The following LMO7 variants were observed in gnomAD, a reference collection of about 807,000 sequenced individuals.
The protein encoded by LMO7 is LIM domain 7.
In LMO7, 120 loss-of-function variants were observed where a neutral mutation model predicts 206.5. The ratio of observed to expected loss-of-function variants is 0.58; its 90% CI spans 0.50 to 0.68. The LOEUF (loss-of-function observed/expected upper bound fraction) is 0.68. Ranked by LOEUF, LMO7 falls within the 30% of genes least tolerant of loss-of-function variation. LMO7 has a pLI of 0.00. For synonymous variants in LMO7, 706 were observed against 681.5 expected (o/e 1.04, Z -0.56); for missense variants, 1,959 against 1,957.9 (o/e 1.00, Z -0.01).
intron 1 of LMO7, among the ~76,000 whole-genome samples, chr13:75,678,868 A>G (rs1566301813): frequency 6.6e-6 from 1 of 152,270 alleles, no homozygotes; most frequent in East Asian, 1.9e-4. Context: ...TTGTCTTTCC[A>G]GCTAGGTGAA....
At chr13:75,854,386 A>T (rs938620796) in intron 28 of LMO7, among the ~76,000 whole-genome samples, 2 of 152,158 alleles carry the variant, frequency 1.3e-5, no homozygotes, top group Non-Finnish European at 2.9e-5. Flanking sequence ...ATTTAGGGTA[A>T]ATTTGGGTAC....
chr13:75,808,209 T>G lies in LMO7; in HGVS notation c.1916+10T>G, dbSNP rs1287643772. 2 of 1,590,698 alleles carry G rather than the reference T, an allele frequency of 1.3e-6. No individual in the cohort carries two copies. Among genetic ancestry groups the G allele is most frequent in the Non-Finnish European group, 1.7e-6 (2 of 1,168,032 alleles). The stretch of plus-strand genomic sequence containing the variant: ...GGCTGATGGTGGAGAGGTCAGAGTG[T>G]GTTTCTGCAAGGATTTTGCTTGTAA... On this transcript the variant is annotated intron_variant, in intron 10 of 30. Transcript: ENST00000377534.
chr13:75,666,818 C>G (rs149200924), intron 1 of LMO7, among the ~76,000 whole-genome samples: 1 of 152,230 alleles, frequency 6.6e-6, no homozygotes, highest in African/African-American at 2.4e-5. Context: ...TCTTAGAGAG[C>G]CCAGGTCATC....
At chr13:75,626,576 AT>A (rs1388559384) in intron 2 of LMO7, among the ~76,000 whole-genome samples, 5,177 of 62,816 alleles carry the variant, frequency 0.082, 590 homozygotes, top group East Asian at 0.19. Context: ...TAACATATAT[AT>A]TATATATATA....
chr13:75,748,494 G>C (rs1372707764), intron 3 of LMO7, among the ~76,000 whole-genome samples: 3 of 152,180 alleles, frequency 2.0e-5, no homozygotes, highest in African/African-American at 7.2e-5. Flanking sequence ...TTAGCATAAA[G>C]TGGTTCAGTA....
intron 6 of LMO7, among the ~76,000 whole-genome samples, chr13:75,797,292 C>A (rs892923293): frequency 3.3e-5 from 5 of 152,202 alleles, no homozygotes; most frequent in Non-Finnish European, 7.3e-5. Context: ...AATTTAGAAT[C>A]TTTTGTTTTA....
intron 4 of LMO7, among the ~76,000 whole-genome samples, chr13:75,762,295 T>G (rs1032861496): frequency 1.3e-5 from 2 of 152,204 alleles, no homozygotes; most frequent in Non-Finnish European, 2.9e-5. Flanking sequence ...TTCTGTAGTA[T>G]GTAGGGGTCA....
intron 1 of LMO7, among the ~76,000 whole-genome samples, chr13:75,706,322 G>A (rs2042647898): frequency 1.3e-5 from 2 of 152,032 alleles, no homozygotes; most frequent in African/African-American, 4.8e-5. Flanking sequence ...ATAAAATTGT[G>A]CTTTCTTTTT....
intron 1 of LMO7, among the ~76,000 whole-genome samples, chr13:75,707,066 A>G (rs1594405141): frequency 1.3e-5 from 2 of 151,972 alleles, no homozygotes; most frequent in East Asian, 3.9e-4. Flanking sequence ...TTGTTCCTTT[A>G]GGTATGGGAG....
intron 1 of LMO7, among the ~76,000 whole-genome samples, chr13:75,690,713 T>C (rs1031739822): frequency 8.5e-5 from 13 of 152,222 alleles, no homozygotes; most frequent in Admixed American, 6.5e-4. Context: ...AAACAAGTGA[T>C]AGGCCAAGTT....
intron 1 of LMO7, among the ~76,000 whole-genome samples, chr13:75,660,371 A>G (rs1346688659): frequency 2.0e-5 from 3 of 152,210 alleles, no homozygotes; most frequent in Non-Finnish European, 2.9e-5. Flanking sequence ...ATCCAGGGGT[A>G]TATTTATCTA....
At position 75,748,814 on chromosome 13, in the gene LMO7, T is replaced by G. The variant is rs554084379; in HGVS notation, c.211-12118T>G. On this transcript the variant is annotated intron_variant, in intron 3 of 30. Coordinates refer to ENST00000377534, the MANE Select transcript of LMO7 (RefSeq NM_001306080.2). ...TGTCTTTTTTCTTTCTTTCTTTCTT[T>G]CTTTTTTTTTTTTTGAGACAGGGTC... Among the ~76,000 whole-genome samples, 10 of 131,646 alleles carry G rather than the reference T, an allele frequency of 7.6e-5. No homozygotes were observed. The South Asian group carries it at 2.3e-3, about 30-fold the overall frequency. 86.4% of individuals were successfully genotyped at this position (131,646 alleles called of 152,430 possible).
At chr13:75,665,396 T>C (rs926945536) in intron 1 of LMO7, among the ~76,000 whole-genome samples, 1 of 152,120 alleles carries the variant, frequency 6.6e-6, no homozygotes, top group African/African-American at 2.4e-5. Context: ...AATTTAGATA[T>C]TTTTAAAAAT....
chr13:75,743,843 A>G lies in LMO7; in HGVS notation c.210+16745A>G, dbSNP rs992219209. Among the ~76,000 whole-genome samples the G allele has an allele frequency of 4.6e-5, 7 of 152,166 alleles. 1 individual carries two copies. Among genetic ancestry groups the G allele is most frequent in the Admixed American group, 3.3e-4 (5 of 15,278 alleles). ...ACATACCTGCATGTGCACAGGTTAAAAAAAGAACAAAAACCCCACGAAAAC... is the reference window on the plus strand; with the variant it reads ...ACATACCTGCATGTGCACAGGTTAAGAAAAGAACAAAAACCCCACGAAAAC... On this transcript the variant is annotated intron_variant, in intron 3 of 30. Transcript: ENST00000377534.
chr13:75,849,045 T>C (rs565829033), intron 26 of LMO7, 34 bp from the exon 27 acceptor site: 5 of 1,312,894 alleles, frequency 3.8e-6, no homozygotes, highest in Non-Finnish European at 4.3e-6. Context: ...TAAAAGGTAC[T>C]AATCCCAAAG....
chr13:75,663,124 G>GT (rs544341710), intron 1 of LMO7, among the ~76,000 whole-genome samples: 1,511 of 146,632 alleles, frequency 0.01, 16 homozygotes, highest in East Asian at 0.03. Flanking sequence ...AAATGTATAA[G>GT]TTTTTTTTTT....
At chr13:75,791,670 G>C (rs1398501892) in intron 4 of LMO7, among the ~76,000 whole-genome samples, 2 of 152,152 alleles carry the variant, frequency 1.3e-5, no homozygotes, top group East Asian at 3.9e-4. Flanking sequence ...ATAGTAGATG[G>C]TTATAAATAC....
chr13:75,856,674 C>T (rs1212464204), intron 30 of LMO7, 66 bp downstream of exon 30: 6 of 913,428 alleles, frequency 6.6e-6, no homozygotes, highest in Middle Eastern at 4.2e-4. Context: ...CCATGCATTT[C>T]CCTGAACCTG....
chr13:75,795,600 T>G (rs533609223), intron 5 of LMO7, among the ~76,000 whole-genome samples, 169 bp downstream of exon 5: 1 of 152,346 alleles, frequency 6.6e-6, no homozygotes, highest in South Asian at 2.1e-4. Flanking sequence ...CATTACAATA[T>G]ATGGTTAGGC....
Sources: allele counts gnomAD v4.1 joint callset (sites outside exome capture counted in the v4.1 genomes callset), GRCh38; gene constraint gnomAD v4.1.1; transcripts MANE v1.5; gene names NCBI Gene and HGNC (gene_info 2026-07-23, HGNC 2026-07-21).